SEL1L3: variants seen among roughly 807,000 people sequenced by gnomAD.
SEL1L3 encodes the protein SEL1L family member 3.
In SEL1L3, 76 loss-of-function variants were observed where a neutral mutation model predicts 142.8. The observed-to-expected ratio is 0.53, with a 90% CI of 0.44 to 0.64. SEL1L3 has a LOEUF of 0.64. SEL1L3 is among the 30% of genes least tolerant of loss of function. The pLI is 0.00. For missense variants in SEL1L3, 1,262 were observed against 1,381.7 expected (o/e 0.91, Z 1.37); for synonymous variants, 504 against 519.6 (o/e 0.97, Z 0.41).
the SEL1L3 span, among the ~76,000 whole-genome samples, chr4:25,733,221 A>G: frequency 6.6e-6 from 1 of 152,172 alleles, no homozygotes; most frequent in East Asian, 1.9e-4. Flanking sequence ...GGGAGAATTT[A>G]CATCTTGAAA....
At position 25,830,102 on chromosome 4, in the gene SEL1L3, T is replaced by C. The variant is rs1411094072; in HGVS notation, c.1153A>G (p.Ile385Val). The change falls in exon 6 of 24, where the codon ATT becomes GTT. Residue 385 changes from isoleucine (I) to valine (V), a missense_variant. Physicochemically the swap from Ile to Val is conservative, Grantham distance 29. Around this residue, in one of 3 missense-constraint regions of SEL1L3, gnomAD observed 689 missense variants for 692.8 expected, o/e 0.99. Transcript: ENST00000399878. ...QDLKSYHNQT[I>V]SFREDFHYND... ...AAAAAGAAAAATCGCACTTACCTAA[T>C]GGTCTGATTGTGGTAGCTTTTCAAA... is the stretch of plus-strand genomic sequence containing the variant. The C allele has an allele frequency of 2.5e-6, 4 of 1,607,232 alleles. No individual in the cohort carries two copies. The highest frequency in any genetic ancestry group is 2.2e-5 in the East Asian group (1 of 44,836).
At chr4:25,775,151 A>C (rs1719524083) in intron 17 of SEL1L3, among the ~76,000 whole-genome samples, 1 of 152,240 alleles carries the variant, frequency 6.6e-6, no homozygotes, top group Non-Finnish European at 1.5e-5. Flanking sequence ...AAAGCATCAC[A>C]AAAATTGTAA....
rs539204368 is a variant in SEL1L3 at position 25,840,854 on chromosome 4, C to T, written c.734-5531G>A. On this transcript the variant is annotated intron_variant, in intron 2 of 23. Transcript: ENST00000399878. ...CTCAACACCATGCTCTAGGCAGCCA[C>T]CCCCAAGCAACACAAGCTAGCCTGT... Among the ~76,000 whole-genome samples the T allele has an allele frequency of 3.9e-5, 6 of 152,304 alleles. 1 individual carries two copies. In the South Asian group the frequency reaches 1.2e-3, roughly 32 times the overall value.
At chr4:25,859,357 A>ATCTGT (rs1272201652) in intron 1 of SEL1L3, among the ~76,000 whole-genome samples, 1 of 152,158 alleles carries the variant, frequency 6.6e-6, no homozygotes, top group African/African-American at 2.4e-5. Context: ...CTTTTCAGAA[A>ATCTGT]TCTGTTTGGC....
chr4:25,729,093 T>G, the SEL1L3 span, among the ~76,000 whole-genome samples: 4 of 152,074 alleles, frequency 2.6e-5, no homozygotes, highest in African/African-American at 9.7e-5. Flanking sequence ...AATGGATGAT[T>G]CCTCCACTGA....
intron 7 of SEL1L3, among the ~76,000 whole-genome samples, chr4:25,820,844 A>G (rs1239395640): frequency 6.6e-6 from 1 of 152,066 alleles, no homozygotes; most frequent in Non-Finnish European, 1.5e-5. Flanking sequence ...GCAGTCGCAC[A>G]ATCTTGGCTC....
chr4:25,841,515 T>C (rs1323845836), intron 2 of SEL1L3, among the ~76,000 whole-genome samples: 8 of 152,244 alleles, frequency 5.3e-5, no homozygotes, highest in Admixed American at 2.6e-4. Context: ...TTTAGCCTAA[T>C]GAATAAGTGT....
At chr4:25,736,940 G>T in the SEL1L3 span, among the ~76,000 whole-genome samples, 1 of 150,770 alleles carries the variant, frequency 6.6e-6, no homozygotes, top group African/African-American at 2.4e-5. Context: ...CTTTCTTATT[G>T]ACTATTAGTA....
chr4:25,860,008 G>C (rs1241992231), intron 1 of SEL1L3, among the ~76,000 whole-genome samples: 1 of 152,166 alleles, frequency 6.6e-6, no homozygotes, highest in Non-Finnish European at 1.5e-5. Flanking sequence ...AAGACAATAA[G>C]CTAGTGTGGT....
At chr4:25,841,725 C>T (rs574538311) in intron 2 of SEL1L3, among the ~76,000 whole-genome samples, 135 of 152,222 alleles carry the variant, frequency 8.9e-4, no homozygotes, top group Non-Finnish European at 1.6e-3. Flanking sequence ...CTTTGGGGGC[C>T]GATGCAGGCA....
Position 25,791,459 on chromosome 4 carries a change from C to T in SEL1L3, c.1957-885G>A, listed in dbSNP as rs78278297. On this transcript the variant is annotated intron_variant, in intron 11 of 23. Coordinates refer to ENST00000399878, the MANE Select transcript of SEL1L3 (RefSeq NM_015187.5). The stretch of plus-strand genomic sequence containing the variant: ...TTTCACTGTTTATTAAAAATCCAGT[C>T]CTGTTGTTCCACGGTCTCTCTTTAT... Among the ~76,000 whole-genome samples, 396 of 152,272 alleles carry T rather than the reference C, an allele frequency of 2.6e-3. 3 individuals carry two copies. Among genetic ancestry groups the T allele is most frequent in the African/African-American group, 9.0e-3 (375 of 41,554 alleles).
intron 21 of SEL1L3, among the ~76,000 whole-genome samples, chr4:25,758,389 T>G (rs1227131384): frequency 6.6e-6 from 1 of 152,150 alleles, no homozygotes; most frequent in Middle Eastern, 3.2e-3. Context: ...GAGAATCACT[T>G]GAACCCAAGA....
chr4:25,834,189 G>A (rs1035006243), intron 3 of SEL1L3, among the ~76,000 whole-genome samples: 18 of 151,968 alleles, frequency 1.2e-4, no homozygotes, highest in African/African-American at 4.3e-4. Context: ...TATTTTAGTC[G>A]AAAAAAATAT....
At chr4:25,730,258 G>A in the SEL1L3 span, among the ~76,000 whole-genome samples, 3 of 151,902 alleles carry the variant, frequency 2.0e-5, no homozygotes, top group African/African-American at 7.3e-5. Flanking sequence ...GTATTATGTT[G>A]GTAATGGGGT....
chr4:25,758,259 C>T (rs1331694002), intron 21 of SEL1L3, among the ~76,000 whole-genome samples: 1 of 151,994 alleles, frequency 6.6e-6, no homozygotes, highest in Admixed American at 6.6e-5. Flanking sequence ...TTACTTGAGG[C>T]CAGGAGTTCG....
intron 20 of SEL1L3, among the ~76,000 whole-genome samples, chr4:25,761,448 G>A (rs974516904): frequency 6.6e-6 from 1 of 152,112 alleles, no homozygotes; most frequent in South Asian, 2.1e-4. Flanking sequence ...GAGCCACCGC[G>A]CCCAGCCAGC....
In SEL1L3 at chr4:25,759,281, C is replaced by T. The variant is rs182048401; in HGVS notation, c.2956-213G>A. ...AGAACCAGGAGGCTTTCAGAAGCTG[C>T]TGTGTCCCATCTGCTCCGAAGCCAG... On this transcript the variant is annotated intron_variant, in intron 20 of 23. Coordinates refer to ENST00000399878, the MANE Select transcript of SEL1L3 (RefSeq NM_015187.5). 4.3e-3 allele frequency: 2,284 copies of T among 526,462 alleles called. 15 individuals carry two copies. Among genetic ancestry groups the T allele is most frequent in the Admixed American group, 0.02 (588 of 29,470 alleles). 32.6% of individuals were successfully genotyped at this position (526,462 alleles called of 1,614,324 possible).
chr4:25,789,775 C>T (rs1236946065), intron 12 of SEL1L3, among the ~76,000 whole-genome samples: 1 of 152,096 alleles, frequency 6.6e-6, no homozygotes, highest in Non-Finnish European at 1.5e-5. Context: ...AGGAGGCTTC[C>T]TCCTGGTGCA....
At chr4:25,741,702 A>C in the SEL1L3 span, among the ~76,000 whole-genome samples, 1 of 152,164 alleles carries the variant, frequency 6.6e-6, no homozygotes, top group African/African-American at 2.4e-5. Context: ...TCTTGAACAG[A>C]AATCCTTTAT....
Sources: gnomAD v4.1 joint callset for allele counts (sites outside exome capture counted in the v4.1 genomes callset) on GRCh38, gnomAD v4.1.1 for gene constraint, gnomAD v4.1.1 regional missense constraint, MANE v1.5 for transcripts, NCBI Gene and HGNC (gene_info 2026-07-23, HGNC 2026-07-21) for gene names.